SGCD: variants seen among roughly 807,000 people sequenced by gnomAD.
SGCD encodes the protein sarcoglycan delta, also known as delta-sarcoglycan.
SGCD carries 18 observed loss-of-function variants against 36.6 expected under a neutral mutation model. The observed-to-expected ratio is 0.49, with a 90% CI of 0.34 to 0.73. The LOEUF (loss-of-function observed/expected upper bound fraction) is 0.73, where lower values mean the gene tolerates loss of function less well. SGCD is among the 30% of genes least tolerant of loss of function. The pLI is 0.01. For synonymous variants in SGCD, 133 were observed against 130.6 expected (o/e 1.02, Z -0.12); for missense variants, 387 against 346.7 (o/e 1.12, Z -0.92).
chr5:156,612,076 T>G (rs542787887), intron 6 of SGCD, among the ~76,000 whole-genome samples: 1 of 152,344 alleles, frequency 6.6e-6, no homozygotes, highest in East Asian at 1.9e-4. Context: ...ATACATTTTA[T>G]TTTTGGGAGG....
chr5:156,500,865 C>T (rs780774746), intron 3 of SGCD, among the ~76,000 whole-genome samples: 3 of 152,140 alleles, frequency 2.0e-5, no homozygotes, highest in Non-Finnish European at 4.4e-5. Flanking sequence ...ATAGCAATTT[C>T]CATCCCCATC....
At chr5:156,306,534 T>C (rs2127687442) in intron 3 of SGCD, among the ~76,000 whole-genome samples, 1 of 152,276 alleles carries the variant, frequency 6.6e-6, no homozygotes, top group East Asian at 1.9e-4. Context: ...GTAGTGCTGT[T>C]TTCTATACAA....
At chr5:156,326,404 T>A (rs1175765914), upstream of SGCD, among the ~76,000 whole-genome samples, 1 of 152,226 alleles carries the variant, frequency 6.6e-6, no homozygotes, top group East Asian at 1.9e-4. Flanking sequence ...GCCTATAAAA[T>A]GTTACATTTT....
At chr5:155,825,330 T>C in the SGCD span, among the ~76,000 whole-genome samples, 1 of 152,228 alleles carries the variant, frequency 6.6e-6, no homozygotes, top group Non-Finnish European at 1.5e-5. Flanking sequence ...TTCACTCCTT[T>C]GCTGCTGTGA....
chr5:156,026,704 C>G (rs1003516992), intron 1 of SGCD, among the ~76,000 whole-genome samples: 2 of 152,122 alleles, frequency 1.3e-5, no homozygotes, highest in African/African-American at 2.4e-5. Context: ...TCCCTAGTGC[C>G]TGGGTTCTAG....
chr5:156,225,343 G>A (rs1421448108), intron 3 of SGCD, among the ~76,000 whole-genome samples: 2 of 152,072 alleles, frequency 1.3e-5, no homozygotes, highest in Non-Finnish European at 2.9e-5. Flanking sequence ...AAGATTAATA[G>A]GGTGTTTGCC....
At chr5:156,185,864 G>GT (rs1763742954) in intron 3 of SGCD, among the ~76,000 whole-genome samples, 1 of 50,418 alleles carries the variant, frequency 2.0e-5, no homozygotes, top group African/African-American at 7.8e-5. Flanking sequence ...GAGAGAGAGA[G>GT]AGAGAGAGAG....
chr5:155,924,404 C>A lies in SGCD; in HGVS notation c.-282+53980C>A, dbSNP rs150082505. Among the ~76,000 whole-genome samples the A allele has an allele frequency of 5.3e-5, 8 of 152,324 alleles. No individual in the cohort carries two copies. The East Asian group carries it at 1.5e-3, about 29-fold the overall frequency. ...TCACAATGGATCATCAGCCTCTTGG[C>A]ACCTGTTTCTTCTCTTCCACATCTA... On this transcript the variant is annotated intron_variant, in intron 1 of 9. Transcript: ENST00000517913.
At chr5:155,850,950 A>T in the SGCD span, among the ~76,000 whole-genome samples, 1 of 152,176 alleles carries the variant, frequency 6.6e-6, no homozygotes, top group Non-Finnish European at 1.5e-5. Flanking sequence ...CAGGAAATCA[A>T]TGGGGTTGGG....
At chr5:156,709,335 G>A (rs1017955136) in intron 7 of SGCD, among the ~76,000 whole-genome samples, 1 of 152,136 alleles carries the variant, frequency 6.6e-6, no homozygotes, top group African/African-American at 2.4e-5. Context: ...AAAGGAGCAG[G>A]GTCTGAATGA....
chr5:156,236,563 C>T (rs1016365073), intron 3 of SGCD, among the ~76,000 whole-genome samples: 1 of 151,852 alleles, frequency 6.6e-6, no homozygotes, highest in Non-Finnish European at 1.5e-5. Flanking sequence ...CATTCTCCTG[C>T]CTCAGCCTCC....
At chr5:156,250,705 T>C (rs1406574909) in intron 3 of SGCD, among the ~76,000 whole-genome samples, 4 of 152,202 alleles carry the variant, frequency 2.6e-5, no homozygotes, top group African/African-American at 7.2e-5. Flanking sequence ...TTAGGGTGTT[T>C]TAGTGTTTGT....
chr5:156,408,609 TCCACCTCCCA>T (rs1033633504), intron 3 of SGCD, among the ~76,000 whole-genome samples: 1 of 152,152 alleles, frequency 6.6e-6, no homozygotes, highest in African/African-American at 2.4e-5. Context: ...TCCACCTACC[TCCACCTCCCA>T]AAGTGCTGGG....
chr5:155,898,192 C>T (rs901613566), intron 1 of SGCD, among the ~76,000 whole-genome samples: 1 of 152,140 alleles, frequency 6.6e-6, no homozygotes, highest in African/African-American at 2.4e-5. Context: ...TAAATTGTCC[C>T]TGCTATCCCA....
chr5:156,262,768 C>T (rs942409347), intron 3 of SGCD, among the ~76,000 whole-genome samples: 3 of 152,020 alleles, frequency 2.0e-5, no homozygotes, highest in East Asian at 1.9e-4. Context: ...CTTCCACTTA[C>T]GAGTGAGAAC....
chr5:156,075,470 A>G (rs574994186), intron 1 of SGCD, among the ~76,000 whole-genome samples: 61 of 152,338 alleles, frequency 4.0e-4, no homozygotes, highest in Admixed American at 3.3e-3. Context: ...TGATCTTTCA[A>G]GATTTCAACA....
At chr5:156,734,142 A>G (rs1438403101) in intron 7 of SGCD, among the ~76,000 whole-genome samples, 1 of 152,046 alleles carries the variant, frequency 6.6e-6, no homozygotes, top group Non-Finnish European at 1.5e-5. Flanking sequence ...AAATGATCTT[A>G]TTTCTCCTTG....
intron 3 of SGCD, among the ~76,000 whole-genome samples, chr5:156,348,513 A>C (rs1473694828): frequency 6.6e-6 from 1 of 152,174 alleles, no homozygotes; most frequent in Non-Finnish European, 1.5e-5. Context: ...ATAGCTACAA[A>C]AATTTTAAAT....
At chr5:156,407,862 G>A (rs569509386) in intron 3 of SGCD, among the ~76,000 whole-genome samples, 23 of 152,272 alleles carry the variant, frequency 1.5e-4, no homozygotes, top group Non-Finnish European at 3.2e-4. Flanking sequence ...GTGTTCAGGG[G>A]ATTGGTTTTA....
Sources: gnomAD v4.1 joint callset for allele counts (sites outside exome capture counted in the v4.1 genomes callset) on GRCh38, gnomAD v4.1.1 for gene constraint, MANE v1.5 for transcripts, NCBI Gene and HGNC (gene_info 2026-07-23, HGNC 2026-07-21) for gene names.